The following TMOD2 variants were observed in gnomAD, a reference collection of about 807,000 sequenced individuals.
The protein encoded by TMOD2 is tropomodulin 2, also known as tropomodulin-2.
In TMOD2, 22 loss-of-function variants were observed where a neutral mutation model predicts 39.9. The ratio of observed to expected loss-of-function variants is 0.55; its 90% CI spans 0.39 to 0.79. TMOD2 has a LOEUF of 0.79. Ranked by LOEUF, TMOD2 falls within the 30% of genes least tolerant of loss-of-function variation. The pLI, the probability that TMOD2 is intolerant of heterozygous loss-of-function variation, is 0.00. For missense variants in TMOD2, 386 were observed against 413.3 expected (o/e 0.93, Z 0.57); for synonymous variants, 123 against 146.1 (o/e 0.84, Z 1.14).
Position 51,773,757 on chromosome 15 carries a change from A to G in TMOD2, c.329A>G (p.Glu110Gly), listed in dbSNP as rs374285824. The change falls in exon 4 of 10, where the codon GAA becomes GGA. Residue 110 changes from glutamate to glycine, a missense_variant. Glu to Gly is a moderately conservative substitution (Grantham distance 98). Coordinates refer to ENST00000249700, the MANE Select transcript of TMOD2 (RefSeq NM_014548.4). The part of the protein sequence containing the change: ...PKEKPIETRK[E>G]EKVTLDPELE... ...GAAAAGCCTATAGAAACTCGTAAAG[A>G]AGAAAAAGTGACCCTTGACCCAGAA... 6.2e-6 allele frequency: 10 copies of G among 1,613,276 alleles called. No homozygotes were observed. Among genetic ancestry groups the G allele is most frequent in the African/African-American group, 1.3e-5 (1 of 74,804 alleles).
chr15:51,769,077 CAG>C (rs2055836288), intron 3 of TMOD2, among the ~76,000 whole-genome samples: 1 of 152,186 alleles, frequency 6.6e-6, no homozygotes, highest in Admixed American at 6.5e-5. Context: ...TGCCATTAGT[CAG>C]GGGAGGATGA....
chr15:51,785,660 C>T (rs2055964635), intron 7 of TMOD2, among the ~76,000 whole-genome samples: 6 of 151,738 alleles, frequency 4.0e-5, no homozygotes. Flanking sequence ...ATGGTGGTTA[C>T]TAAAGCCTGG....
At chr15:51,784,917 T>C (rs1456639478) in intron 7 of TMOD2, 1 of 152,222 alleles carries the variant, frequency 6.6e-6, no homozygotes, top group Non-Finnish European at 1.5e-5. Context: ...TGGTAAATAA[T>C]CTAACTCCTA....
In TMOD2 at chr15:51,808,961, TTC is replaced by T. The variant is rs1374975588; in HGVS notation, c.*513_*514del. 1 of 152,802 alleles carries T rather than the reference TTC, an allele frequency of 6.5e-6. No individual in the cohort carries two copies. The highest frequency in any genetic ancestry group is 1.9e-4 in the East Asian group (1 of 5,208). 9.5% of individuals were successfully genotyped at this position (152,802 alleles called of 1,614,324 possible). ...GAAAATGTGACCAATTTAGCACAAA[TTC>T]TCTCTTAGTTCCAGAAAAATCAGTA... On this transcript the variant is annotated 3_prime_UTR_variant, in exon 10 of 10. Transcript: ENST00000249700.
intron 3 of TMOD2, among the ~76,000 whole-genome samples, chr15:51,768,987 G>A (rs956134169): frequency 3.3e-5 from 5 of 152,222 alleles, no homozygotes; most frequent in Non-Finnish European, 7.3e-5. Flanking sequence ...GAACCCTAAT[G>A]GAAACTGTGG....
chr15:51,795,892 G>A lies in TMOD2; in HGVS notation c.733-2305G>A, dbSNP rs1051295220. Among the ~76,000 whole-genome samples the A allele has an allele frequency of 3.0e-4, 29 of 95,878 alleles. No individual in the cohort carries two copies. The South Asian group carries it at 7.2e-3, about 24-fold the overall frequency. The allele number at this position is 95,878 out of a possible 152,430, so 62.9% of individuals were successfully genotyped here. Reference sequence around the variant, plus strand: ...GTTTTTCTTTTCTCTGTCTCTCTCCGCCGCCCCCCACCCCCCACCCGACTT... The same window carrying A: ...GTTTTTCTTTTCTCTGTCTCTCTCCACCGCCCCCCACCCCCCACCCGACTT... On this transcript the variant is annotated intron_variant, in intron 7 of 9. Transcript: ENST00000249700.
In TMOD2 at chr15:51,775,570, C is replaced by CTTTTTTTTTTTTTTTTTTTTTTTTTTT. The variant is rs869308022; in HGVS notation, c.407-1337_407-1336insTTTTTTTTTTTTTTTTTTTTTTTTTTT. Among the ~76,000 whole-genome samples, 2 of 81,210 alleles carry CTTTTTTTTTTTTTTTTTTTTTTTTTTT rather than the reference C, an allele frequency of 2.5e-5. 1 individual carries two copies. The highest frequency in any genetic ancestry group is 1.0e-4 in the African/African-American group (2 of 19,220). The allele number at this position is 81,210 out of a possible 152,430, so 53.3% of individuals were successfully genotyped here. On this transcript the variant is annotated intron_variant, in intron 4 of 9. Transcript: ENST00000249700. The stretch of plus-strand genomic sequence containing the variant: ...GAGACACAGTGACAAATTCTTTTTC[C>CTTTTTTTTTTTTTTTTTTTTTTTTTTT]TTTTTTTTTTTTTTTTTTTTTTTTT...
At chr15:51,803,105 T>C (rs542909531) in intron 8 of TMOD2, among the ~76,000 whole-genome samples, 7 of 149,670 alleles carry the variant, frequency 4.7e-5, no homozygotes, top group African/African-American at 1.5e-4. Context: ...AAGAATGAAA[T>C]AAAAGATGGT....
At chr15:51,808,343 T>C in intron 9 of TMOD2, 77 bp from the exon 10 acceptor site, 3 of 1,161,924 alleles carry the variant, frequency 2.6e-6, no homozygotes, top group Non-Finnish European at 3.8e-6. Context: ...TGTCATCTTA[T>C]GTGATTAATG....
rs570138629 is a variant in TMOD2, at chr15:51,785,137, G to T, written c.732+2309G>T. ...TTAAAGAATACTTTATTTGGGCCGG[G>T]CGCGGTGGCTCACGCCTGTAATCCC... On this transcript the variant is annotated intron_variant, in intron 7 of 9. Coordinates refer to ENST00000249700, the MANE Select transcript of TMOD2 (RefSeq NM_014548.4). Among the ~76,000 whole-genome samples, 88 of 152,272 alleles carry T rather than the reference G, an allele frequency of 5.8e-4. 1 individual carries two copies. The highest frequency in any genetic ancestry group is 2.1e-3 in the African/African-American group (87 of 41,556).
chr15:51,790,561 G>A (rs10444823), intron 7 of TMOD2, among the ~76,000 whole-genome samples: 72,630 of 151,736 alleles, frequency 0.48, 17,632 homozygotes, highest in Admixed American at 0.54. Context: ...AAAAAAAGAG[G>A]ATGTTTAAGC....
In TMOD2 at chr15:51,809,491, A is replaced by G. The variant is rs1302123555; in HGVS notation, c.*1037A>G. On this transcript the variant is annotated 3_prime_UTR_variant, in exon 10 of 10. Coordinates refer to ENST00000249700, the MANE Select transcript of TMOD2 (RefSeq NM_014548.4). The stretch of plus-strand genomic sequence containing the variant: ...TTGCAAACGTCAGGAGAAAAATGTG[A>G]ATTATTTATCCAGATGCATGTCATC... The G allele has an allele frequency of 6.6e-6, 1 of 152,338 alleles. No homozygotes were observed. Among genetic ancestry groups the G allele is most frequent in the Non-Finnish European group, 1.5e-5 (1 of 68,052 alleles). The allele number at this position is 152,338 out of a possible 1,614,324, so 9.4% of individuals were successfully genotyped here.
intron 7 of TMOD2, among the ~76,000 whole-genome samples, chr15:51,786,046 AC>A (rs1420142424): frequency 6.6e-6 from 1 of 152,134 alleles, no homozygotes; most frequent in Non-Finnish European, 1.5e-5. Context: ...ACGTATATAT[AC>A]ATATATATAT....
intron 1 of TMOD2, among the ~76,000 whole-genome samples, chr15:51,764,101 G>A (rs2055799836): frequency 6.6e-6 from 1 of 151,890 alleles, no homozygotes; most frequent in Non-Finnish European, 1.5e-5. Context: ...AAAAAAAGGA[G>A]GGCTGGGAGA....
intron 8 of TMOD2, among the ~76,000 whole-genome samples, chr15:51,800,710 T>C (rs2056081403): frequency 6.6e-6 from 1 of 152,162 alleles, no homozygotes; most frequent in African/African-American, 2.4e-5. Context: ...GTTTGTTTTT[T>C]GTTTGTTTGT....
At chr15:51,805,581 A>T (rs967639737) in intron 8 of TMOD2, among the ~76,000 whole-genome samples, 2 of 152,258 alleles carry the variant, frequency 1.3e-5, no homozygotes, top group Admixed American at 1.3e-4. Context: ...CAACACAGTG[A>T]CAATAGAGTT....
intron 2 of TMOD2, among the ~76,000 whole-genome samples, chr15:51,767,742 A>G (rs1165114377): frequency 6.6e-6 from 1 of 152,232 alleles, no homozygotes; most frequent in Non-Finnish European, 1.5e-5. Context: ...TACTTTGGAT[A>G]TGGTATTTAC....
At chr15:51,778,585 C>T (rs1466113436) in intron 5 of TMOD2, among the ~76,000 whole-genome samples, 1 of 148,408 alleles carries the variant, frequency 6.7e-6, no homozygotes, top group Non-Finnish European at 1.5e-5. Context: ...GGACCAATAA[C>T]CAGATCATGT....
At chr15:51,779,250 A>G (rs2055912932) in intron 5 of TMOD2, among the ~76,000 whole-genome samples, 1 of 152,212 alleles carries the variant, frequency 6.6e-6, no homozygotes, top group African/African-American at 2.4e-5. Flanking sequence ...ACGTTCTGAC[A>G]ATGTTTCCTA....
Sources: allele counts gnomAD v4.1 joint callset (sites outside exome capture counted in the v4.1 genomes callset), GRCh38; gene constraint gnomAD v4.1.1; transcripts MANE v1.5; gene names NCBI Gene and HGNC (gene_info 2026-07-23, HGNC 2026-07-21).